NSG2: variants seen among roughly 807,000 people sequenced by gnomAD.
NSG2 encodes neuronal vesicle trafficking-associated protein 2.
Under a neutral mutation model 16.9 loss-of-function variants are expected in NSG2, and 4 were observed. The observed-to-expected ratio is 0.24, with a 90% CI of 0.12 to 0.54. NSG2 has a LOEUF of 0.54. Ranked by LOEUF, NSG2 falls within the 20% of genes least tolerant of loss-of-function variation. The pLI, the probability that NSG2 is intolerant of heterozygous loss-of-function variation, is 0.95. For synonymous variants in NSG2, 98 were observed against 88.7 expected (o/e 1.11, Z -0.59); for missense variants, 179 against 221.1 (o/e 0.81, Z 1.21).
intron 3 of NSG2, among the ~76,000 whole-genome samples, chr5:174,096,232 G>A (rs1349542664): frequency 6.6e-6 from 1 of 152,210 alleles, no homozygotes; most frequent in African/African-American, 2.4e-5. Context: ...GCAGACAGGT[G>A]AGGTTAATTA....
chr5:174,087,974 T>C (rs1346312595), intron 3 of NSG2, among the ~76,000 whole-genome samples: 1 of 152,080 alleles, frequency 6.6e-6, no homozygotes, highest in Admixed American at 6.5e-5. Flanking sequence ...TTCTGTCTAA[T>C]TGAGGGATTA....
intron 3 of NSG2, among the ~76,000 whole-genome samples, chr5:174,085,172 A>G (rs1428682231): frequency 2.6e-5 from 4 of 152,246 alleles, no homozygotes; most frequent in African/African-American, 9.6e-5. Context: ...TTAAATAATA[A>G]TGACAGTAAT....
At chr5:174,093,912 C>T (rs548363557) in intron 3 of NSG2, among the ~76,000 whole-genome samples, 1 of 152,302 alleles carries the variant, frequency 6.6e-6, no homozygotes, top group African/African-American at 2.4e-5. Flanking sequence ...AGCATCCTGG[C>T]TTGACAGTGG....
At chr5:174,064,198 C>G (rs757442135) in intron 2 of NSG2, 34 bp from the exon 3 acceptor site, 8 of 1,432,380 alleles carry the variant, frequency 5.6e-6, no homozygotes, top group Non-Finnish European at 7.7e-6. Flanking sequence ...TTTCAAGTCT[C>G]CATGCATGCT....
Position 174,064,289 on chromosome 5 carries a change from C to A in NSG2, c.187C>A (p.Arg63=), listed in dbSNP as rs780061675. The A allele has an allele frequency of 1.9e-6, 3 of 1,611,120 alleles. No homozygotes were observed. The highest frequency in any genetic ancestry group is 2.5e-6 in the Non-Finnish European group (3 of 1,178,114). ...GGAACAGAAGAACAAAGGGAAGTTCCGGGTGCCGAAAATCGCTGAATTTAC... is the reference window on the plus strand; with the variant it reads ...GGAACAGAAGAACAAAGGGAAGTTCAGGGTGCCGAAAATCGCTGAATTTAC... ...QPEQKNKGKF[R]VPKIAEFTVT... is the part of the protein sequence containing the mutation. The change falls in exon 3 of 5, where the codon CGG becomes AGG. Residue 63 remains arginine, a synonymous_variant. Transcript: ENST00000303177.
At chr5:174,070,929 G>C (rs1760228706) in intron 3 of NSG2, among the ~76,000 whole-genome samples, 1 of 152,190 alleles carries the variant, frequency 6.6e-6, no homozygotes, top group African/African-American at 2.4e-5. Context: ...TGTGGGCCCT[G>C]TCTCTTGGGA....
intron 2 of NSG2, among the ~76,000 whole-genome samples, chr5:174,058,253 G>A (rs542905966): frequency 6.6e-6 from 1 of 152,110 alleles, no homozygotes; most frequent in African/African-American, 2.4e-5. Flanking sequence ...TAAATATTTG[G>A]GAGTCATGAG....
At chr5:174,062,529 CTG>C (rs1204949739) in intron 2 of NSG2, 3 of 152,220 alleles carry the variant, frequency 2.0e-5, no homozygotes, top group African/African-American at 7.2e-5. Context: ...CCATGTTTGG[CTG>C]TGTTGCTTCC....
chr5:174,099,324 C>A (rs1357799834), intron 3 of NSG2, among the ~76,000 whole-genome samples: 1 of 152,166 alleles, frequency 6.6e-6, no homozygotes, highest in East Asian at 1.9e-4. Context: ...TGAGCCGGCC[C>A]TTCCTCCTCT....
intron 3 of NSG2, among the ~76,000 whole-genome samples, chr5:174,074,025 A>G (rs1371972089): frequency 6.6e-6 from 1 of 152,178 alleles, no homozygotes; most frequent in African/African-American, 2.4e-5. Flanking sequence ...CTTGAAATCA[A>G]TCATGGTGGG....
chr5:174,076,857 A>G (rs1378003861), intron 3 of NSG2, among the ~76,000 whole-genome samples: 1 of 152,226 alleles, frequency 6.6e-6, no homozygotes, highest in African/African-American at 2.4e-5. Context: ...TCCTTACAAC[A>G]AAGCATTTTC....
At chr5:174,070,375 A>G (rs1760217526) in intron 3 of NSG2, among the ~76,000 whole-genome samples, 1 of 152,280 alleles carries the variant, frequency 6.6e-6, no homozygotes, top group Non-Finnish European at 1.5e-5. Flanking sequence ...TCCCAAGGTC[A>G]CTTAGCCAGG....
At chr5:174,074,740 C>G (rs1178531002) in intron 3 of NSG2, among the ~76,000 whole-genome samples, 1 of 152,010 alleles carries the variant, frequency 6.6e-6, no homozygotes, top group African/African-American at 2.4e-5. Flanking sequence ...CATAGCACTG[C>G]AAAACTGCCA....
intron 3 of NSG2, among the ~76,000 whole-genome samples, chr5:174,069,063 G>T (rs1031706997): frequency 1.3e-5 from 2 of 151,224 alleles, no homozygotes; most frequent in East Asian, 2.0e-4. Context: ...GCTGTGGAAG[G>T]TGTTGGTGCT....
At chr5:174,084,412 A>C (rs903828675) in intron 3 of NSG2, among the ~76,000 whole-genome samples, 1 of 152,222 alleles carries the variant, frequency 6.6e-6, no homozygotes, top group Admixed American at 6.5e-5. Flanking sequence ...TGCAGGGGCT[A>C]TAGAGATGAG....
chr5:174,105,278 C>T (rs557203462), intron 4 of NSG2, among the ~76,000 whole-genome samples: 11 of 152,270 alleles, frequency 7.2e-5, no homozygotes, highest in Admixed American at 6.5e-4. Context: ...AATGTGTATA[C>T]TTCGGTTCTG....
At chr5:174,066,266 G>T (rs150791771) in intron 3 of NSG2, 72 of 456,194 alleles carry the variant, frequency 1.6e-4, no homozygotes, top group African/African-American at 1.3e-3. Flanking sequence ...ACAAGTACTT[G>T]CAGGAATAAG....
At chr5:174,087,933 G>C (rs2113462396) in intron 3 of NSG2, among the ~76,000 whole-genome samples, 1 of 152,254 alleles carries the variant, frequency 6.6e-6, no homozygotes, top group African/African-American at 2.4e-5. Flanking sequence ...TCCTTCTCTA[G>C]GGATTGACCC....
In NSG2 at chr5:174,046,878, A is replaced by G; in HGVS notation, c.123A>G (p.Pro41=). The stretch of plus-strand genomic sequence containing the variant: ...TTAATCACTTACAGCTGCCTGCTCC[A>G]GAAAAGGTAAAGCATGTCCTCTTGC... The part of the protein sequence containing the change: ...LEVNHLQLPA[P]EKVIVKTRTE... The change falls in exon 2 of 5, where the codon CCA becomes CCG. Residue 41 remains proline (P), a synonymous_variant. Transcript: ENST00000303177. 6.2e-7 allele frequency: 1 copy of G among 1,614,100 alleles called. No individual in the cohort carries two copies. Among genetic ancestry groups the G allele is most frequent in the South Asian group, 1.1e-5 (1 of 91,072 alleles).
Sources: gnomAD v4.1 joint callset for allele counts (sites outside exome capture counted in the v4.1 genomes callset) on GRCh38, gnomAD v4.1.1 for gene constraint, MANE v1.5 for transcripts, NCBI Gene and HGNC (gene_info 2026-07-23, HGNC 2026-07-21) for gene names.